Variants in PRH1 observed in about 807,000 individuals in gnomAD.
The protein encoded by PRH1 is proline rich protein HaeIII subfamily 1, also known as salivary acidic proline-rich phosphoprotein 1/2.
Under a neutral mutation model 7.9 loss-of-function variants are expected in PRH1, and 7 were observed. That is an observed-to-expected ratio of 0.89 (90% CI 0.50 to 1.67). The LOEUF (loss-of-function observed/expected upper bound fraction) is 1.67. Among genes scored for constraint, PRH1 ranks in the 40% most tolerant of loss-of-function variants. The pLI is 0.00. For missense variants in PRH1, 109 were observed against 223.6 expected (o/e 0.49, Z 3.27); for synonymous variants, 45 against 80.8 (o/e 0.56, Z 2.38).
intron 1 of PRH1, among the ~76,000 whole-genome samples, chr12:10,984,138 T>C (rs1486536921): frequency 6.6e-6 from 1 of 152,186 alleles, no homozygotes; most frequent in African/African-American, 2.4e-5. Context: ...CAGCTGGAAA[T>C]ATCACAATAC....
chr12:11,152,080 CTTTT>C (rs1402656940), intron 1 of PRH1, among the ~76,000 whole-genome samples: 2 of 151,068 alleles, frequency 1.3e-5, no homozygotes, highest in Admixed American at 6.6e-5. Flanking sequence ...TTTCTTTCTT[CTTTT>C]TTTAATTATT....
chr12:11,064,962 G>A (rs868114904), intron 1 of PRH1, among the ~76,000 whole-genome samples: 1 of 151,876 alleles, frequency 6.6e-6, no homozygotes, highest in Non-Finnish European at 1.5e-5. Flanking sequence ...GTTTGATCCC[G>A]GGAGTTCCAG....
intron 1 of PRH1, among the ~76,000 whole-genome samples, chr12:11,020,373 T>G (rs201689653): frequency 0.27 from 37,301 of 136,232 alleles, 6,649 homozygotes; most frequent in East Asian, 0.66. Context: ...GATATATATA[T>G]ATATATATAT....
chr12:11,113,967 T>A (rs1945661633), intron 1 of PRH1, among the ~76,000 whole-genome samples: 1 of 152,020 alleles, frequency 6.6e-6, no homozygotes, highest in Non-Finnish European at 1.5e-5. Context: ...AGATACCATC[T>A]CATGACAGAA....
chr12:10,951,034 T>A (rs1411358245), intron 2 of PRH1, among the ~76,000 whole-genome samples: 1 of 152,172 alleles, frequency 6.6e-6, no homozygotes, highest in Non-Finnish European at 1.5e-5. Flanking sequence ...GGGACCAATG[T>A]CAAATAGGAA....
chr12:10,920,614 A>G (rs1487951313), intron 2 of PRH1, among the ~76,000 whole-genome samples: 1 of 152,114 alleles, frequency 6.6e-6, no homozygotes, highest in Non-Finnish European at 1.5e-5. Flanking sequence ...TATTGTACTC[A>G]GCAAGCTTAT....
At chr12:11,159,960 A>C (rs1947364128) in intron 1 of PRH1, among the ~76,000 whole-genome samples, 1 of 152,200 alleles carries the variant, frequency 6.6e-6, no homozygotes, top group South Asian at 2.1e-4. Context: ...CTACTATATA[A>C]TTTCTAGAAC....
chr12:10,909,275 G>A (rs530699969), intron 2 of PRH1: 3 of 1,612,816 alleles, frequency 1.9e-6, no homozygotes, highest in Non-Finnish European at 2.5e-6. Flanking sequence ...CAAGAGTGAA[G>A]ATACTCGGCA....
At chr12:11,039,440 A>G (rs2136121527) in intron 1 of PRH1, among the ~76,000 whole-genome samples, 1 of 152,366 alleles carries the variant, frequency 6.6e-6, no homozygotes, top group East Asian at 1.9e-4. Flanking sequence ...GCTGTAAGAT[A>G]AAATTTTCCA....
intron 2 of PRH1, among the ~76,000 whole-genome samples, chr12:10,966,375 C>T (rs778765693): frequency 5.9e-5 from 9 of 152,206 alleles, no homozygotes; most frequent in Non-Finnish European, 1.2e-4. Flanking sequence ...CTTTGATTAA[C>T]AGAAAATTGG....
rs200683873 is a variant in PRH1, at chr12:10,997,297, T to C, written c.-125-23576A>G. On this transcript the variant is annotated intron_variant, in intron 1 of 3. Transcript: ENST00000539853. ...GAGAGTAGATTAACAGCAGAAAAGA[T>C]ATCAGGGTCAGAGTGAATGGTATCA... The C allele has an allele frequency of 1.2e-4, 192 of 1,614,022 alleles. No individual in the cohort carries two copies. Among genetic ancestry groups the C allele is most frequent in the Non-Finnish European group, 1.5e-4 (176 of 1,180,012 alleles).
At chr12:11,053,525 C>A (rs1943238951) in intron 1 of PRH1, among the ~76,000 whole-genome samples, 1 of 152,232 alleles carries the variant, frequency 6.6e-6, no homozygotes, top group Non-Finnish European at 1.5e-5. Flanking sequence ...CTACACTTAA[C>A]TTTCTAAATC....
chr12:10,984,088 G>GTT (rs11421487), intron 1 of PRH1, among the ~76,000 whole-genome samples: 8 of 151,290 alleles, frequency 5.3e-5, no homozygotes, highest in East Asian at 1.9e-4. Context: ...AACTAACTCA[G>GTT]TTTTTTTTAA....
At chr12:11,006,644 C>A (rs899460290) in intron 1 of PRH1, among the ~76,000 whole-genome samples, 2 of 151,836 alleles carry the variant, frequency 1.3e-5, no homozygotes, top group Non-Finnish European at 1.5e-5. Flanking sequence ...TCTGAAGAGA[C>A]AAAAAGAAAG....
intron 1 of PRH1, among the ~76,000 whole-genome samples, chr12:10,984,422 T>A (rs1183973063): frequency 6.6e-6 from 1 of 151,682 alleles, no homozygotes; most frequent in African/African-American, 2.4e-5. Context: ...TTTATGCAAC[T>A]TTGGATTTTG....
intron 1 of PRH1, among the ~76,000 whole-genome samples, chr12:11,103,214 T>C (rs1335356615): frequency 6.9e-6 from 1 of 145,718 alleles, no homozygotes; most frequent in Non-Finnish European, 1.5e-5. Flanking sequence ...GGATTATAAA[T>C]CATGCTGCTA....
chr12:10,986,148 C>A (rs1033851303), intron 1 of PRH1: 21 of 1,613,900 alleles, frequency 1.3e-5, no homozygotes, highest in Non-Finnish European at 1.8e-5. Flanking sequence ...GAAAATGGCA[C>A]ATAACAAGAG....
chr12:11,148,018 G>T (rs962308647), intron 1 of PRH1, among the ~76,000 whole-genome samples: 13 of 146,256 alleles, frequency 8.9e-5, no homozygotes, highest in Non-Finnish European at 1.5e-4. Context: ...TTGTAAGTTG[G>T]ACTCCTAGGT....
intron 1 of PRH1, among the ~76,000 whole-genome samples, chr12:11,164,989 T>C (rs918954167): frequency 2.6e-5 from 4 of 152,182 alleles, no homozygotes; most frequent in African/African-American, 9.7e-5. Flanking sequence ...TATATTTTTC[T>C]CTTTGTAGAA....
Sources: gnomAD v4.1 joint callset for allele counts (sites outside exome capture counted in the v4.1 genomes callset) on GRCh38, gnomAD v4.1.1 for gene constraint, MANE v1.5 for transcripts, NCBI Gene and HGNC (gene_info 2026-07-23, HGNC 2026-07-21) for gene names.